The following LZTS3 variants were observed in gnomAD, a reference collection of about 807,000 sequenced individuals.
LZTS3 encodes the protein leucine zipper putative tumor suppressor 3.
A neutral mutation model predicts 50.9 loss-of-function variants in LZTS3; 16 were observed. The observed-to-expected ratio is 0.31, with a 90% CI of 0.21 to 0.48. LZTS3 has a LOEUF of 0.48. Ranked by LOEUF, LZTS3 falls within the 20% of genes least tolerant of loss-of-function variation. The pLI is 0.99. For missense variants in LZTS3, 816 were observed against 931.0 expected (o/e 0.88, Z 1.61); for synonymous variants, 408 against 410.6 (o/e 0.99, Z 0.08).
In LZTS3 at chr20:3,167,885, C is replaced by A. The variant is rs913350586; in HGVS notation, c.-166G>T. 2 of 985,004 alleles carry A rather than the reference C, an allele frequency of 2.0e-6. No homozygotes were observed. The highest frequency in any genetic ancestry group is 1.7e-5 in the African/African-American group (1 of 57,244). 61.0% of individuals were successfully genotyped at this position (985,004 alleles called of 1,614,324 possible). On this transcript the variant is annotated 5_prime_UTR_variant, in exon 2 of 5. Transcript: ENST00000337576. Reference sequence around the variant, plus strand: ...GCAGGGGCCATGTGCCTCACTCTCGCAGTCGGGGCTCGGCCCGAACCAGCT... The same window carrying A: ...GCAGGGGCCATGTGCCTCACTCTCGAAGTCGGGGCTCGGCCCGAACCAGCT...
chr20:3,166,277 CG>C lies in LZTS3; in HGVS notation c.542del (p.Pro181ArgfsTer26), dbSNP rs745647523. On this transcript the variant is annotated frameshift_variant, in exon 4 of 5. Coordinates refer to ENST00000337576, the MANE Select transcript of LZTS3 (RefSeq NM_001365618.1). LOFTEE classifies it high-confidence loss of function. ...NFHSMQNLCP[P>X]QTNGTPEGRQ... The stretch of plus-strand genomic sequence containing the variant: ...GTCCCTCAGGAGTCCCATTGGTCTG[CG>C]GGGGGCACAAATTCTGCATGGAGTG... 6.2e-7 allele frequency: 1 copy of C among 1,613,822 alleles called. No individual in the cohort carries two copies. The highest frequency in any genetic ancestry group is 2.2e-5 in the East Asian group (1 of 44,864).
chr20:3,164,223 C>A lies in LZTS3; in HGVS notation c.*231G>T. ...ACCACCTAGGATTGCCCCCACTCAC[C>A]CTGCCCTCCTCCTATTCCCTCCTTT... On this transcript the variant is annotated 3_prime_UTR_variant, in exon 5 of 5. Coordinates refer to ENST00000337576, the MANE Select transcript of LZTS3 (RefSeq NM_001365618.1). 1 of 446,818 alleles carries A rather than the reference C, an allele frequency of 2.2e-6. No individual in the cohort carries two copies. The highest frequency in any genetic ancestry group is 3.9e-6 in the Non-Finnish European group (1 of 259,496). The allele number at this position is 446,818 out of a possible 1,614,324, so 27.7% of individuals were successfully genotyped here. A position where few individuals can be genotyped will look rare whatever the true frequency, so the allele number is the denominator to read the frequency against.
In LZTS3 at chr20:3,164,600, T is replaced by G; in HGVS notation, c.1876A>C (p.Met626Leu). ...TCCAGCTGCTGGTTGCGCTGGTACA[T>G]CTCCACGTAGCTCAGCTGCAGCTGC... ...QKQLQLSYVEMYQRNQQLERR... is the reference protein window; with the variant it reads ...QKQLQLSYVELYQRNQQLERR... Residue 626 changes from methionine to leucine, a missense_variant, in exon 5 of 5, where the codon ATG becomes CTG. By Grantham distance (15) the Met-to-Leu change is conservative (BLOSUM62 2). This residue lies in a region of LZTS3 where 107 missense variants were observed against 130.4 expected (regional missense o/e 0.82). Coordinates refer to ENST00000337576, the MANE Select transcript of LZTS3 (RefSeq NM_001365618.1). 1 of 1,612,434 alleles carries G rather than the reference T, an allele frequency of 6.2e-7. No homozygotes were observed. Among genetic ancestry groups the G allele is most frequent in the African/African-American group, 1.3e-5 (1 of 74,940 alleles).
In LZTS3 at chr20:3,165,804, C is replaced by A. The variant is rs1222723544; in HGVS notation, c.1016G>T (p.Arg339Leu). 6.3e-7 allele frequency: 1 copy of A among 1,597,600 alleles called. No individual in the cohort carries two copies. Residue 339 changes from arginine to leucine, a missense_variant, in exon 4 of 5, where the codon CGG (arginine) becomes CTG (leucine). By Grantham distance (102) the Arg-to-Leu change is moderately radical. Around this residue, in one of 3 missense-constraint regions of LZTS3, gnomAD observed 700 missense variants for 769.4 expected, o/e 0.91. Transcript: ENST00000337576. The surrounding 1 kb of genome is among the most constrained non-coding windows in gnomAD (Gnocchi z 5.0). ...WEKEQEVAAL[R>L]RSLEQSEAAV... ...CGCCTCGCTCTGCTCCAGGCTGCGC[C>A]GCAGAGCTGCCACCTCCTGCTCCTT...
In LZTS3 at chr20:3,167,059, C is replaced by G. The variant is rs1317164691; in HGVS notation, c.105G>C (p.Leu35=). 1 of 1,563,376 alleles carries G rather than the reference C, an allele frequency of 6.4e-7. No individual in the cohort carries two copies. Among genetic ancestry groups the G allele is most frequent in the African/African-American group, 1.3e-5 (1 of 74,226 alleles). ...PSELGPPDPR[L]AMGSVGSGVA... ...CCCCACTGCCCACGCTGCCCATGGC[C>G]AGGCGGGGGTCCGGGGGTCCAAGCT... Residue 35 remains leucine (L), a synonymous_variant, in exon 3 of 5, where the codon CTG becomes CTC. Transcript: ENST00000337576.
chr20:3,164,284 C>A lies in LZTS3; in HGVS notation c.*170G>T. On this transcript the variant is annotated 3_prime_UTR_variant, in exon 5 of 5. Coordinates refer to ENST00000337576, the MANE Select transcript of LZTS3 (RefSeq NM_001365618.1). Reference sequence around the variant, plus strand: ...CAAGTGGGCTGCCACGGGGGCAGTGCTGGAGCTAGGAGGGCAGGTGGGGAG... The same window carrying A: ...CAAGTGGGCTGCCACGGGGGCAGTGATGGAGCTAGGAGGGCAGGTGGGGAG... 1.5e-6 allele frequency: 1 copy of A among 646,268 alleles called. No individual in the cohort carries two copies. Among genetic ancestry groups the A allele is most frequent in the African/African-American group, 1.9e-5 (1 of 52,234 alleles). 40.0% of individuals were successfully genotyped at this position (646,268 alleles called of 1,614,324 possible). A position where few individuals can be genotyped will look rare whatever the true frequency, so the allele number is the denominator to read the frequency against.
At chr20:3,167,483 C>T in intron 2 of LZTS3, 1 of 1,113,908 alleles carries the variant, frequency 9.0e-7, no homozygotes, top group Non-Finnish European at 1.1e-6. Context: ...TAAACTTCTG[C>T]CTTAGCCCCA....
In LZTS3 at chr20:3,167,172, C is replaced by T; in HGVS notation, c.-9G>A. 1 of 1,462,144 alleles carries T rather than the reference C, an allele frequency of 6.8e-7. No individual in the cohort carries two copies. Among genetic ancestry groups the T allele is most frequent in the South Asian group, 1.4e-5 (1 of 70,200 alleles). The allele number at this position is 1,462,144 out of a possible 1,614,324, so 90.6% of individuals were successfully genotyped here. On this transcript the variant is annotated 5_prime_UTR_variant, in exon 3 of 5. Transcript: ENST00000337576. ...GTCTCCAGCTTCGCCATGACTAAGC[C>T]AGGGGGGCACTGTGGGCACAGGTGG...
chr20:3,167,322 G>A, intron 2 of LZTS3, 141 bp from the exon 3 acceptor site: 3 of 1,383,350 alleles, frequency 2.2e-6, no homozygotes, highest in Non-Finnish European at 2.8e-6. Context: ...GGCATCCAAG[G>A]TGAAGGAATA....
intron 1 of LZTS3, chr20:3,168,286 G>A (rs2066859848): frequency 6.6e-6 from 1 of 151,828 alleles, no homozygotes; most frequent in African/African-American, 2.4e-5. Flanking sequence ...GGGACGCAGT[G>A]GCGCCAGCTG....
chr20:3,169,449 A>T (rs2066875619), intron 1 of LZTS3, among the ~76,000 whole-genome samples: 1 of 152,192 alleles, frequency 6.6e-6, no homozygotes, highest in African/African-American at 2.4e-5. Flanking sequence ...TTTCATACAG[A>T]TGAGGTCAGG....
rs537527384 is a variant in LZTS3, at chr20:3,170,138, C to T, written c.-242-2177G>A. On this transcript the variant is annotated intron_variant, in intron 1 of 4. Transcript: ENST00000337576. ...AACACTGGGGTTGGAGAGTGTGCTGCGGATTTAGGAGCTGGTCTCGAGACA... is the reference window on the plus strand; with the variant it reads ...AACACTGGGGTTGGAGAGTGTGCTGTGGATTTAGGAGCTGGTCTCGAGACA... Among the ~76,000 whole-genome samples, 9 of 152,098 alleles carry T rather than the reference C, an allele frequency of 5.9e-5. No individual in the cohort carries two copies. In the South Asian group the frequency reaches 6.2e-4, roughly 11 times the overall value.
In LZTS3 at chr20:3,165,870, G is replaced by C. The variant is rs781640516; in HGVS notation, c.950C>G (p.Pro317Arg). ...CTCCAGCTCCTGGATGAGTGCACTG[G>C]GGGAGGGCGGTGAGCAGGCCGCGAA... ...LPFAACSPPS[P>R]SALIQELEER... Residue 317 changes from proline (P) to arginine (R), a missense_variant, in exon 4 of 5, where the codon CCC (proline) becomes CGC (arginine). Transcript: ENST00000337576. This position sits in a 1 kb window ranked among gnomAD's most constrained non-coding sequence, Gnocchi z 5.0. 47 of 1,606,350 alleles carry C rather than the reference G, an allele frequency of 2.9e-5. No individual in the cohort carries two copies. The highest frequency in any genetic ancestry group is 8.9e-5 in the East Asian group (4 of 44,874).
chr20:3,164,367 A>C lies in LZTS3; in HGVS notation c.*87T>G, dbSNP rs1260312113. The C allele has an allele frequency of 7.9e-6, 11 of 1,385,070 alleles. No homozygotes were observed. Among genetic ancestry groups the C allele is most frequent in the Non-Finnish European group, 1.1e-5 (11 of 1,034,660 alleles). 85.8% of individuals were successfully genotyped at this position (1,385,070 alleles called of 1,614,324 possible). A position where few individuals can be genotyped will look rare whatever the true frequency, so the allele number is the denominator to read the frequency against. On this transcript the variant is annotated 3_prime_UTR_variant, in exon 5 of 5. Transcript: ENST00000337576. ...TCTTTGGTCTGGGGTTATGGGGTCT[A>C]TGGGGAAGAGAGATGGAGGGGAGGG...
At chr20:3,167,539 G>A in intron 2 of LZTS3, 199 bp downstream of exon 2, 1 of 1,038,050 alleles carries the variant, frequency 9.6e-7, no homozygotes, top group Non-Finnish European at 1.2e-6. Context: ...TCAACTCTTT[G>A]CTGCAACCCC....
chr20:3,171,282 G>A (rs2066899609), intron 1 of LZTS3, among the ~76,000 whole-genome samples: 2 of 152,038 alleles, frequency 1.3e-5, no homozygotes, highest in South Asian at 4.1e-4. Flanking sequence ...CAGATGCCTC[G>A]AGTCGTGGAT....
At chr20:3,166,684 T>C in intron 3 of LZTS3, 21 bp downstream of exon 3, 1 of 1,605,470 alleles carries the variant, frequency 6.2e-7, no homozygotes. Flanking sequence ...GCTGTGAGGG[T>C]CTCAGGCCCT....
chr20:3,163,263 C>G lies in LZTS3; in HGVS notation c.*1191G>C, dbSNP rs1451082013. ...GCTGACATTGGCTGACCTAACCCCT[C>G]ATGCCAGGCCTACCCTGGGCAGGTG... is the stretch of plus-strand genomic sequence containing the variant. On this transcript the variant is annotated 3_prime_UTR_variant, in exon 5 of 5. Transcript: ENST00000337576. This position sits in a 1 kb window ranked among gnomAD's most constrained non-coding sequence, Gnocchi z 5.2. 1 of 152,692 alleles carries G rather than the reference C, an allele frequency of 6.5e-6. No homozygotes were observed. The highest frequency in any genetic ancestry group is 2.1e-4 in the South Asian group (1 of 4,834). The allele number at this position is 152,692 out of a possible 1,614,324, so 9.5% of individuals were successfully genotyped here.
At chr20:3,171,475 A>C in intron 1 of LZTS3, among the ~76,000 whole-genome samples, 1 of 152,020 alleles carries the variant, frequency 6.6e-6, no homozygotes, top group Non-Finnish European at 1.5e-5. Flanking sequence ...GTCTCTCCCA[A>C]GCTTTGGCTG....
Sources: gnomAD v4.1 joint callset for allele counts (sites outside exome capture counted in the v4.1 genomes callset) on GRCh38, gnomAD v4.1.1 for gene constraint, gnomAD v4.1.1 regional missense constraint, Gnocchi (gnomAD v3.1) non-coding constraint, MANE v1.5 for transcripts, NCBI Gene and HGNC (gene_info 2026-07-23, HGNC 2026-07-21) for gene names.